The following SLC41A3 variants were observed in gnomAD, a reference collection of about 807,000 sequenced individuals.
SLC41A3 encodes the protein solute carrier family 41 member 3.
Under a neutral mutation model 45.4 loss-of-function variants are expected in SLC41A3, and 44 were observed. The ratio of observed to expected loss-of-function variants is 0.97; its 90% CI spans 0.76 to 1.25. The LOEUF (loss-of-function observed/expected upper bound fraction) is 1.25. Ranked by LOEUF, SLC41A3 falls within the 50% of genes most tolerant of loss-of-function variation. SLC41A3 has a pLI of 0.00. For synonymous variants in SLC41A3, 256 were observed against 252.4 expected, an observed-to-expected ratio of 1.01 and a Z score of -0.13; for missense variants, 550 against 600.6, an observed-to-expected ratio of 0.92 and a Z score of 0.88.
At chr3:126,085,114 ATGT>A, upstream of SLC41A3, among the ~76,000 whole-genome samples, 1 of 152,298 alleles carries the variant, frequency 6.6e-6, no homozygotes, top group East Asian at 1.9e-4. Context: ...CAACCAGAAA[ATGT>A]TTAAGTTGAC....
intron 4 of SLC41A3, among the ~76,000 whole-genome samples, chr3:126,031,706 C>G (rs1433839883): frequency 6.6e-6 from 1 of 152,180 alleles, no homozygotes; most frequent in Non-Finnish European, 1.5e-5. Flanking sequence ...GCTTCATAAA[C>G]ATATGTTGAG....
chr3:126,097,220 A>G (rs6780449), intron 1 of SLC41A3, among the ~76,000 whole-genome samples: 107,874 of 151,996 alleles, frequency 0.71, 39,542 homozygotes, highest in African/African-American at 0.9. Flanking sequence ...GGAGTTATAC[A>G]CAGGCCCATC....
chr3:126,034,236 C>G (rs1290866509), intron 3 of SLC41A3, among the ~76,000 whole-genome samples: 2 of 152,176 alleles, frequency 1.3e-5, no homozygotes, highest in Non-Finnish European at 2.9e-5. Context: ...TTAAGGAACA[C>G]ATATAAGTCT....
intron 2 of SLC41A3, among the ~76,000 whole-genome samples, chr3:126,056,154 G>C (rs1405519995): frequency 6.6e-6 from 1 of 152,248 alleles, no homozygotes; most frequent in South Asian, 2.1e-4. Context: ...ATCATTCTGC[G>C]AATCTCTAAT....
chr3:126,071,771 A>AC (rs1176736062), intron 1 of SLC41A3, among the ~76,000 whole-genome samples: 1 of 127,386 alleles, frequency 7.9e-6, no homozygotes, highest in Non-Finnish European at 1.6e-5. Flanking sequence ...AAATTAAACA[A>AC]CTTTTTTTTT....
intron 1 of SLC41A3, among the ~76,000 whole-genome samples, chr3:126,076,456 C>T (rs889476391): frequency 2.0e-5 from 3 of 152,136 alleles, no homozygotes; most frequent in African/African-American, 4.8e-5. Context: ...ATAAATAATA[C>T]TCCTATGACT....
chr3:126,091,203 A>C (rs1945482860), intron 1 of SLC41A3, among the ~76,000 whole-genome samples: 1 of 152,298 alleles, frequency 6.6e-6, no homozygotes, highest in South Asian at 2.1e-4. Flanking sequence ...TTTTATTTAT[A>C]ATGTAGACCA....
chr3:126,045,187 C>T (rs1393471085), intron 3 of SLC41A3, among the ~76,000 whole-genome samples: 1 of 150,970 alleles, frequency 6.6e-6, no homozygotes, highest in East Asian at 1.9e-4. Flanking sequence ...AAAAAGAAGA[C>T]CTCAAATAAA....
intron 3 of SLC41A3, 47 bp downstream of exon 3, chr3:126,050,896 G>A (rs750523131): frequency 5.7e-6 from 9 of 1,575,624 alleles, no homozygotes; most frequent in South Asian, 3.5e-5. Flanking sequence ...GTAGGGACGC[G>A]CCTGCCTCAC....
At chr3:126,067,616 G>C (rs1337368837) in intron 2 of SLC41A3, 1 of 482,190 alleles carries the variant, frequency 2.1e-6, no homozygotes, top group Admixed American at 2.3e-5. Context: ...TGTTGTTGAA[G>C]CACCCCAGTG....
At position 126,050,929 on chromosome 3, in the gene SLC41A3, A is replaced by G. The variant is rs1212279900; in HGVS notation, c.381+14T>C. 1.9e-6 allele frequency: 3 copies of G among 1,608,000 alleles called. No homozygotes were observed. Among genetic ancestry groups the G allele is most frequent in the Non-Finnish European group, 2.5e-6 (3 of 1,176,962 alleles). On this transcript the variant is annotated intron_variant, in intron 3 of 10. Coordinates refer to ENST00000360370, the MANE Select transcript of SLC41A3 (RefSeq NM_017836.4). Reference sequence around the variant, plus strand: ...CACGTTGTGGCCGCCTCGAATGTCCAGGTGTCCACTTACAGCTGTGGAGAG... The same window carrying G: ...CACGTTGTGGCCGCCTCGAATGTCCGGGTGTCCACTTACAGCTGTGGAGAG...
intron 3 of SLC41A3, among the ~76,000 whole-genome samples, chr3:126,039,278 C>A (rs185714146): frequency 5.3e-5 from 8 of 152,326 alleles, no homozygotes; most frequent in African/African-American, 1.7e-4. Flanking sequence ...ATTCATATGT[C>A]CCCAGTTTTC....
At chr3:126,092,313 T>C (rs1945504209) in intron 1 of SLC41A3, among the ~76,000 whole-genome samples, 1 of 152,396 alleles carries the variant, frequency 6.6e-6, no homozygotes, top group South Asian at 2.1e-4. Flanking sequence ...GAGCAATCTG[T>C]GCCTTAAGGG....
intron 2 of SLC41A3, among the ~76,000 whole-genome samples, chr3:126,060,973 C>T (rs192141673): frequency 1.2e-4 from 19 of 152,342 alleles, no homozygotes; most frequent in Admixed American, 5.2e-4. Flanking sequence ...AGGATCAGAA[C>T]GTTGAGGACC....
chr3:126,044,719 C>T (rs1231496025), intron 3 of SLC41A3, among the ~76,000 whole-genome samples: 1 of 151,328 alleles, frequency 6.6e-6, no homozygotes, highest in East Asian at 1.9e-4. Flanking sequence ...CACAGTGAAA[C>T]CCCATCTCTA....
intron 1 of SLC41A3, 125 bp from the exon 2 acceptor site, chr3:126,068,371 T>G (rs1944459018): frequency 5.1e-6 from 4 of 791,988 alleles, no homozygotes; most frequent in Admixed American, 3.4e-5. Context: ...CAGCCCTTAC[T>G]CAGCACCTGC....
intron 2 of SLC41A3, among the ~76,000 whole-genome samples, chr3:126,066,595 T>C (rs1944356881): frequency 6.6e-6 from 1 of 152,212 alleles, no homozygotes; most frequent in Admixed American, 6.5e-5. Context: ...CCTGTGGTAC[T>C]GGAGGAAGTA....
intron 2 of SLC41A3, among the ~76,000 whole-genome samples, chr3:126,066,063 A>G (rs971963581): frequency 6.6e-6 from 1 of 152,166 alleles, no homozygotes; most frequent in Non-Finnish European, 1.5e-5. Flanking sequence ...TGGTGACCTG[A>G]TTCTCACCAA....
At chr3:126,021,451 A>G (rs1473315632) in intron 6 of SLC41A3, among the ~76,000 whole-genome samples, 1 of 152,136 alleles carries the variant, frequency 6.6e-6, no homozygotes, top group East Asian at 1.9e-4. Flanking sequence ...TTAAAACCCT[A>G]TCGGGGATTA....
Sources: allele counts gnomAD v4.1 joint callset (sites outside exome capture counted in the v4.1 genomes callset), GRCh38; gene constraint gnomAD v4.1.1; transcripts MANE v1.5; gene names NCBI Gene and HGNC (gene_info 2026-07-23, HGNC 2026-07-21).